CLPTM1: variants seen among roughly 807,000 people sequenced by gnomAD.
The protein encoded by CLPTM1 is putative lipid scramblase CLPTM1.
In CLPTM1, 21 loss-of-function variants were observed where a neutral mutation model predicts 77.3. The observed-to-expected ratio is 0.27, with a 90% CI of 0.19 to 0.39. The LOEUF is 0.39. Ranked by LOEUF, CLPTM1 falls within the 10% of genes least tolerant of loss-of-function variation. The pLI, the probability that CLPTM1 is intolerant of heterozygous loss-of-function variation, is 1.00. For synonymous variants in CLPTM1, 373 were observed against 381.0 expected, an observed-to-expected ratio of 0.98 and a Z score of 0.24; for missense variants, 642 against 921.2, an observed-to-expected ratio of 0.70 and a Z score of 3.92.
chr19:44,990,376 C>G lies in CLPTM1; in HGVS notation c.1133-19C>G, dbSNP rs745478726. The G allele has an allele frequency of 1.2e-6, 2 of 1,611,998 alleles. No individual in the cohort carries two copies. Among genetic ancestry groups the G allele is most frequent in the Admixed American group, 1.7e-5 (1 of 59,926 alleles). On this transcript the variant is annotated intron_variant, in intron 9 of 13. Coordinates refer to ENST00000337392, the MANE Select transcript of CLPTM1 (RefSeq NM_001294.4). This position sits in a 1 kb window ranked among gnomAD's most constrained non-coding sequence, Gnocchi z 4.8. ...GCACCTCCTCAGCCTCCTGGTTCCCCCCTACCCCCTGCGCACAGATATCCA... is the reference window on the plus strand; with the variant it reads ...GCACCTCCTCAGCCTCCTGGTTCCCGCCTACCCCCTGCGCACAGATATCCA...
Position 44,984,303 on chromosome 19 carries a change from T to C in CLPTM1, c.587-915T>C, listed in dbSNP as rs1277400926. ...CCCCTACCCGCATTTCCGCACAGAG[T>C]TTGCAGACTGGTTGCAGGGACAGAC... On this transcript the variant is annotated intron_variant, in intron 5 of 13. Coordinates refer to ENST00000337392, the MANE Select transcript of CLPTM1 (RefSeq NM_001294.4). 2.6e-5 allele frequency: 4 copies of C among 152,266 alleles called. No individual in the cohort carries two copies. In the East Asian group the frequency reaches 7.7e-4, roughly 29 times the overall value. 9.4% of individuals were successfully genotyped at this position (152,266 alleles called of 1,614,324 possible). A position where few individuals can be genotyped will look rare whatever the true frequency, so the allele number is the denominator to read the frequency against.
rs149033841 is a variant in CLPTM1, at chr19:44,992,689, G to A, written c.1802G>A (p.Ser601Asn). 3 of 1,613,736 alleles carry A rather than the reference G, an allele frequency of 1.9e-6. No homozygotes were observed. The highest frequency in any genetic ancestry group is 2.5e-6 in the Non-Finnish European group (3 of 1,179,932). The part of the protein sequence containing the change: ...DPTRVNEFGM[S>N]GEDPTAAAPV... The stretch of plus-strand genomic sequence containing the variant: ...ACCCGAGTCAACGAGTTTGGCATGA[G>A]TGGAGAAGACCCCACAGCTGCCGCC... Residue 601 changes from serine (S) to asparagine (N), a missense_variant, in exon 14 of 14, where the codon AGT becomes AAT. By Grantham distance (46) the Ser-to-Asn change is conservative. Around this residue, in one of 2 missense-constraint regions of CLPTM1, gnomAD observed 521 missense variants for 800.4 expected, o/e 0.65. Coordinates refer to ENST00000337392, the MANE Select transcript of CLPTM1 (RefSeq NM_001294.4). This position sits in a 1 kb window ranked among gnomAD's most constrained non-coding sequence, Gnocchi z 7.7.
At chr19:44,976,210 C>G (rs962812398) in intron 4 of CLPTM1, among the ~76,000 whole-genome samples, 1 of 152,182 alleles carries the variant, frequency 6.6e-6, no homozygotes, top group Non-Finnish European at 1.5e-5. Context: ...AGCCCAGCCC[C>G]CAGGCCTTGC....
In CLPTM1 at chr19:44,955,590, A is replaced by C. The variant is rs867046719; in HGVS notation, c.72+123A>C. ...GGGCTCCTTGGCCAGAGGGACCTTG[A>C]ATACCCGGCCCAGGCAGGGCCGGAC... is the stretch of plus-strand genomic sequence containing the variant. On this transcript the variant is annotated intron_variant, in intron 1 of 13. Coordinates refer to ENST00000337392, the MANE Select transcript of CLPTM1 (RefSeq NM_001294.4). 1.7e-4 allele frequency: 166 copies of C among 996,758 alleles called. No homozygotes were observed. In the African/African-American group the frequency reaches 2.5e-3, roughly 15 times the overall value. 61.7% of individuals were successfully genotyped at this position (996,758 alleles called of 1,614,324 possible).
Position 44,986,374 on chromosome 19 carries a change from C to T in CLPTM1, c.673-81C>T, listed in dbSNP as rs1970977948. On this transcript the variant is annotated intron_variant, in intron 6 of 13. Coordinates refer to ENST00000337392, the MANE Select transcript of CLPTM1 (RefSeq NM_001294.4). Reference sequence around the variant, plus strand: ...AAAGATTAAGATTTTCTCGGGAACCCTGGGGAGGAAGTGTACAGAGAGTGA... The same window carrying T: ...AAAGATTAAGATTTTCTCGGGAACCTTGGGGAGGAAGTGTACAGAGAGTGA... 2.0e-6 allele frequency: 3 copies of T among 1,517,824 alleles called. No homozygotes were observed. In the African/African-American group the frequency reaches 4.2e-5, roughly 21 times the overall value. The allele number at this position is 1,517,824 out of a possible 1,614,324, so 94.0% of individuals were successfully genotyped here.
chr19:44,986,347 G>A (rs1428195947), intron 6 of CLPTM1, 108 bp from the exon 7 acceptor site: 3 of 1,412,592 alleles, frequency 2.1e-6, no homozygotes, highest in East Asian at 2.3e-5. Flanking sequence ...AAAAAAGAAA[G>A]CAAAGATTAA....
chr19:44,974,463 C>T lies in CLPTM1; in HGVS notation c.334C>T (p.His112Tyr). Residue 112 changes from histidine to tyrosine, a missense_variant, in exon 4 of 14, where the codon CAC (histidine) becomes TAC (tyrosine). Physicochemically the swap from His to Tyr is moderately conservative, Grantham distance 83 (BLOSUM62 2). Coordinates refer to ENST00000337392, the MANE Select transcript of CLPTM1 (RefSeq NM_001294.4). ...GAACCTGCATGTGTACATCTCAGAG[C>T]ACGAGCACTTTACAGACTTCAACGC... is the stretch of plus-strand genomic sequence containing the variant. ...LMNLHVYISEHEHFTDFNATS... is the reference protein window; with the variant it reads ...LMNLHVYISEYEHFTDFNATS... 1 of 1,614,002 alleles carries T rather than the reference C, an allele frequency of 6.2e-7. No homozygotes were observed. The highest frequency in any genetic ancestry group is 2.2e-5 in the East Asian group (1 of 44,880).
intron 2 of CLPTM1, among the ~76,000 whole-genome samples, chr19:44,972,488 A>T (rs1423419441): frequency 6.6e-6 from 1 of 152,054 alleles, no homozygotes; most frequent in African/African-American, 2.4e-5. Context: ...TGACCTCGTG[A>T]TCCGCCCGCC....
chr19:44,955,580 A>G, intron 1 of CLPTM1, 113 bp downstream of exon 1: 1 of 927,974 alleles, frequency 1.1e-6, no homozygotes, highest in South Asian at 5.0e-5. Flanking sequence ...CCTTGGCCAG[A>G]GGGACCTTGA....
At position 44,972,833 on chromosome 19, in the gene CLPTM1, G is replaced by A. The variant is rs528638675; in HGVS notation, c.186-254G>A. Among the ~76,000 whole-genome samples, 196 of 151,982 alleles carry A rather than the reference G, an allele frequency of 1.3e-3. 8 individuals carry two copies. In the South Asian group the frequency reaches 0.039, roughly 30 times the overall value. ...CTGCAGGATTTAGAGTCAAGGGTCT[G>A]CATGCAGACCAGGGCAGTGCCAGCT... is the stretch of plus-strand genomic sequence containing the variant. On this transcript the variant is annotated intron_variant, in intron 2 of 13. Coordinates refer to ENST00000337392, the MANE Select transcript of CLPTM1 (RefSeq NM_001294.4).
chr19:44,988,314 T>TG (rs1971015708), intron 9 of CLPTM1, 141 bp downstream of exon 9: 1 of 673,608 alleles, frequency 1.5e-6, no homozygotes, highest in African/African-American at 1.8e-5. Context: ...CCTAGTGAGC[T>TG]GGGGAGGGGC....
intron 2 of CLPTM1, among the ~76,000 whole-genome samples, chr19:44,962,405 G>A (rs1044971588): frequency 4.6e-5 from 7 of 152,154 alleles, no homozygotes; most frequent in Admixed American, 4.6e-4. Context: ...AACTGAAATA[G>A]GAAATTCATT....
intron 2 of CLPTM1, 131 bp from the exon 3 acceptor site, chr19:44,972,956 C>T: frequency 1.6e-6 from 2 of 1,290,210 alleles, no homozygotes; most frequent in Non-Finnish European, 2.2e-6. Flanking sequence ...ACTACCTTCT[C>T]AGGGCCTCCC....
intron 1 of CLPTM1, chr19:44,955,879 G>T (rs879866469): frequency 2.3e-5 from 4 of 172,184 alleles, no homozygotes; most frequent in Non-Finnish European, 3.7e-5. Flanking sequence ...CTAGCTGTGG[G>T]GAAGTCAGTA....
At chr19:44,982,725 T>A (rs1261419582) in intron 5 of CLPTM1, among the ~76,000 whole-genome samples, 3 of 152,092 alleles carry the variant, frequency 2.0e-5, no homozygotes, top group Non-Finnish European at 4.4e-5. Flanking sequence ...TGTTGGTTTC[T>A]CCCCCTGGAC....
chr19:44,992,971 C>G lies in CLPTM1; in HGVS notation c.*74C>G. 1 of 1,518,274 alleles carries G rather than the reference C, an allele frequency of 6.6e-7. No homozygotes were observed. Among genetic ancestry groups the G allele is most frequent in the Non-Finnish European group, 8.9e-7 (1 of 1,119,792 alleles). 94.1% of individuals were successfully genotyped at this position (1,518,274 alleles called of 1,614,324 possible). The stretch of plus-strand genomic sequence containing the variant: ...CGTCCCGGCCCCCTCGCCTCCCCTC[C>G]CTGTCGCCCTTTCCCTGGACAGATC... On this transcript the variant is annotated 3_prime_UTR_variant, in exon 14 of 14. Transcript: ENST00000337392. The surrounding 1 kb of genome is among the most constrained non-coding windows in gnomAD (Gnocchi z 7.7).
chr19:44,990,686 A>G lies in CLPTM1; in HGVS notation c.1323+101A>G, dbSNP rs1971058552. The G allele has an allele frequency of 7.0e-7, 1 of 1,424,774 alleles. No individual in the cohort carries two copies. Among genetic ancestry groups the G allele is most frequent in the Non-Finnish European group, 9.7e-7 (1 of 1,026,286 alleles). The allele number at this position is 1,424,774 out of a possible 1,614,324, so 88.3% of individuals were successfully genotyped here. A position where few individuals can be genotyped will look rare whatever the true frequency, so the allele number is the denominator to read the frequency against. On this transcript the variant is annotated intron_variant, in intron 10 of 13. Transcript: ENST00000337392. This position sits in a 1 kb window ranked among gnomAD's most constrained non-coding sequence, Gnocchi z 4.8. The stretch of plus-strand genomic sequence containing the variant: ...AGCTGGCCCCCGGGGGATTCCCAGC[A>G]AGTGCCTCACTCCCAGGACTGAGGG...
rs201718309 is a variant in CLPTM1, at chr19:44,987,454, C to T, written c.1038+31C>T. 2.6e-4 allele frequency: 422 copies of T among 1,607,874 alleles called. 1 individual carries two copies. The highest frequency in any genetic ancestry group is 1.7e-4 in the Middle Eastern group (1 of 6,050). ...TGCGGCCGGTGTGGGCGGGACTTCCCGGTGCCTTCCTGGGCGCAAGAGGCC... is the reference window on the plus strand; with the variant it reads ...TGCGGCCGGTGTGGGCGGGACTTCCTGGTGCCTTCCTGGGCGCAAGAGGCC... On this transcript the variant is annotated intron_variant, in intron 8 of 13. Transcript: ENST00000337392.
At chr19:44,988,662 C>G (rs937335028) in intron 9 of CLPTM1, among the ~76,000 whole-genome samples, 5 of 152,238 alleles carry the variant, frequency 3.3e-5, no homozygotes, top group African/African-American at 1.2e-4. Context: ...TCCTGGGTAC[C>G]CTCCCCAGTA....
Sources: allele counts gnomAD v4.1 joint callset (sites outside exome capture counted in the v4.1 genomes callset), GRCh38; gene constraint gnomAD v4.1.1; regional missense constraint gnomAD v4.1.1; non-coding constraint Gnocchi (gnomAD v3.1); transcripts MANE v1.5; gene names NCBI Gene and HGNC (gene_info 2026-07-23, HGNC 2026-07-21).